The following LAMA3 variants were observed in gnomAD, a reference collection of about 807,000 sequenced individuals.
LAMA3 encodes laminin subunit alpha 3.
LAMA3 carries 281 observed loss-of-function variants against 402.0 expected under a neutral mutation model. The ratio of observed to expected loss-of-function variants is 0.70; its 90% CI spans 0.63 to 0.77. The LOEUF (loss-of-function observed/expected upper bound fraction) is 0.77. LAMA3 is among the 30% of genes least tolerant of loss of function. The pLI is 0.00. For synonymous variants in LAMA3, 1,431 were observed against 1,558.4 expected, an observed-to-expected ratio of 0.92 and a Z score of 1.93; for missense variants, 3,840 against 4,215.5, an observed-to-expected ratio of 0.91 and a Z score of 2.47.
In LAMA3 at chr18:23,712,379, C is replaced by CA. The variant is rs71163637; in HGVS notation, c.295-1523dup. On this transcript the variant is annotated intron_variant, in intron 1 of 74. Coordinates refer to ENST00000313654, the MANE Select transcript of LAMA3 (RefSeq NM_198129.4). ...GGGCAACAAGAGTAAAACTCCGTCT[C>CA]AAAAAAAAAAAAAAAAAAGTTATTC... 8.5e-3 allele frequency among the ~76,000 whole-genome samples: 880 copies of CA among 103,638 alleles called. 37 individuals are homozygous for CA. In the East Asian group the frequency reaches 0.18, roughly 21 times the overall value. 68.0% of individuals were successfully genotyped at this position (103,638 alleles called of 152,430 possible). A position where few individuals can be genotyped will look rare whatever the true frequency, so the allele number is the denominator to read the frequency against.
chr18:23,760,146 T>A (rs9946648), intron 7 of LAMA3, among the ~76,000 whole-genome samples: 1 of 152,050 alleles, frequency 6.6e-6, no homozygotes, highest in Admixed American at 6.5e-5. Context: ...CTCCAACACA[T>A]ACAAAAAAAA....
intron 1 of LAMA3, among the ~76,000 whole-genome samples, chr18:23,708,955 A>G (rs2060939813): frequency 6.7e-6 from 1 of 149,766 alleles, no homozygotes; most frequent in African/African-American, 2.5e-5. Context: ...TTTTCTTGCT[A>G]TGTTGCCCAG....
At position 23,834,243 on chromosome 18, in the gene LAMA3, T is replaced by C. The variant is rs2063540667; in HGVS notation, c.2984+255T>C. 6.3e-6 allele frequency: 3 copies of C among 478,828 alleles called. No homozygotes were observed. The East Asian group carries it at 1.2e-4, about 20-fold the overall frequency. 29.7% of individuals were successfully genotyped at this position (478,828 alleles called of 1,614,324 possible). ...CTTAGCAATTTGGTTCAGATTCACA[T>C]GGCACAGCACAACCTTTTTATTTGA... On this transcript the variant is annotated intron_variant, in intron 24 of 74. Transcript: ENST00000313654.
At position 23,928,643 on chromosome 18, in the gene LAMA3, T is replaced by C. The variant is rs1261843009; in HGVS notation, c.8314T>C (p.Phe2772Leu). ...ATTTCAGCTTGTGCGATCTGCCTCA[T>C]TCTCCAGAGGAGGACAATTGAGTTT... ...EDWKLVRSASFSRGGQLSFTD... is the reference protein window; with the variant it reads ...EDWKLVRSASLSRGGQLSFTD... Residue 2772 changes from phenylalanine (F) to leucine (L), a missense_variant, in exon 64 of 75, where the codon TTC becomes CTC. Around this residue, in one of 3 missense-constraint regions of LAMA3, gnomAD observed 840 missense variants for 981.9 expected, o/e 0.86. Coordinates refer to ENST00000313654, the MANE Select transcript of LAMA3 (RefSeq NM_198129.4). The C allele has an allele frequency of 6.2e-7, 1 of 1,614,110 alleles. No individual in the cohort carries two copies. The highest frequency in any genetic ancestry group is 1.7e-5 in the Admixed American group (1 of 60,032).
rs899232529 is a variant in LAMA3 at position 23,772,231 on chromosome 18, G to A, written c.1183-1266G>A. Among the ~76,000 whole-genome samples the A allele has an allele frequency of 2.0e-5, 3 of 152,142 alleles. No individual in the cohort carries two copies. In the South Asian group the frequency reaches 6.2e-4, roughly 32 times the overall value. On this transcript the variant is annotated intron_variant, in intron 8 of 74. Coordinates refer to ENST00000313654, the MANE Select transcript of LAMA3 (RefSeq NM_198129.4). ...TAATTTTTATATTTTTAGCAGAGAC[G>A]GGGTTTCACCATATTGGTCAGGCTG...
At chr18:23,758,641 T>C in intron 7 of LAMA3, 130 bp downstream of exon 7, 1 of 666,270 alleles carries the variant, frequency 1.5e-6, no homozygotes, top group Non-Finnish European at 2.6e-6. Flanking sequence ...GTCTGTCTAT[T>C]GTAATAAGAA....
chr18:23,716,439 G>A (rs977198846), intron 2 of LAMA3, among the ~76,000 whole-genome samples: 6 of 152,142 alleles, frequency 3.9e-5, no homozygotes, highest in African/African-American at 9.7e-5. Context: ...GATTACAGGC[G>A]TAAGCCACCG....
chr18:23,840,954 C>T (rs2063688314), intron 27 of LAMA3, among the ~76,000 whole-genome samples: 1 of 152,166 alleles, frequency 6.6e-6, no homozygotes, highest in Admixed American at 6.5e-5. Flanking sequence ...TATATCAGTG[C>T]TCAAAAAGTT....
chr18:23,863,522 T>G (rs1026018502), intron 35 of LAMA3, among the ~76,000 whole-genome samples: 3 of 152,192 alleles, frequency 2.0e-5, no homozygotes, highest in Non-Finnish European at 2.9e-5. Flanking sequence ...TTTGTGGCCA[T>G]GTTTTTAAAA....
At chr18:23,889,231 A>G (rs2080554705) in intron 41 of LAMA3, among the ~76,000 whole-genome samples, 1 of 152,168 alleles carries the variant, frequency 6.6e-6, no homozygotes, top group Non-Finnish European at 1.5e-5. Flanking sequence ...GTTCAAGACC[A>G]GCCTGGGCAA....
chr18:23,768,186 G>A (rs914876809), intron 8 of LAMA3, among the ~76,000 whole-genome samples: 5 of 149,514 alleles, frequency 3.3e-5, no homozygotes, highest in African/African-American at 1.2e-4. Context: ...AAAACTATCA[G>A]CAGAGTAAAC....
At chr18:23,715,171 T>A (rs2061074198) in intron 2 of LAMA3, among the ~76,000 whole-genome samples, 2 of 152,088 alleles carry the variant, frequency 1.3e-5, no homozygotes, top group Admixed American at 1.3e-4. Flanking sequence ...GAAAATGTTC[T>A]AAAATTGATG....
intron 1 of LAMA3, among the ~76,000 whole-genome samples, chr18:23,694,919 G>C (rs546961138): frequency 6.6e-6 from 1 of 152,294 alleles, no homozygotes; most frequent in East Asian, 1.9e-4. Flanking sequence ...GTGGAAGCTT[G>C]TCTTAGACAC....
chr18:23,794,073 G>A (rs2062715499), intron 12 of LAMA3, among the ~76,000 whole-genome samples: 1 of 152,242 alleles, frequency 6.6e-6, no homozygotes, highest in African/African-American at 2.4e-5. Flanking sequence ...GCCCTCCCTG[G>A]GCCCCACCCT....
chr18:23,771,225 G>A (rs1351377387), intron 8 of LAMA3, among the ~76,000 whole-genome samples: 1 of 152,216 alleles, frequency 6.6e-6, no homozygotes, highest in Non-Finnish European at 1.5e-5. Flanking sequence ...TGGAGCAACA[G>A]AGAGGAAGAA....
At position 23,812,011 on chromosome 18, in the gene LAMA3, T is replaced by C. The variant is rs561302736; in HGVS notation, c.1742-1046T>C. Among the ~76,000 whole-genome samples the C allele has an allele frequency of 2.8e-4, 43 of 151,990 alleles. 1 individual carries two copies. The South Asian group carries it at 5.6e-3, about 20-fold the overall frequency. On this transcript the variant is annotated intron_variant, in intron 13 of 74. Transcript: ENST00000313654. ...GCCTCAGCCTCTCGAGTAGCTGGGA[T>C]TACAGGCATGTGCCACCATGCCTAG...
chr18:23,954,789 C>A lies in LAMA3; in HGVS notation c.*141C>A. 2.4e-6 allele frequency: 2 copies of A among 819,630 alleles called. No individual in the cohort carries two copies. The highest frequency in any genetic ancestry group is 1.4e-5 in the South Asian group (1 of 70,456). 50.8% of individuals were successfully genotyped at this position (819,630 alleles called of 1,614,324 possible). Reference sequence around the variant, plus strand: ...TAGCGAATCTAATTTTGAATTCTGACCATGGATACCCATCACTTTGGCATT... The same window carrying A: ...TAGCGAATCTAATTTTGAATTCTGAACATGGATACCCATCACTTTGGCATT... On this transcript the variant is annotated 3_prime_UTR_variant, in exon 75 of 75. Coordinates refer to ENST00000313654, the MANE Select transcript of LAMA3 (RefSeq NM_198129.4).
intron 2 of LAMA3, among the ~76,000 whole-genome samples, chr18:23,737,141 T>C (rs2061490247): frequency 6.6e-6 from 1 of 152,106 alleles, no homozygotes; most frequent in Non-Finnish European, 1.5e-5. Context: ...CCACACCTTC[T>C]GAGGCAGATC....
At chr18:23,767,833 G>A (rs1412357320) in intron 8 of LAMA3, among the ~76,000 whole-genome samples, 6 of 151,980 alleles carry the variant, frequency 3.9e-5, no homozygotes, top group Non-Finnish European at 4.4e-5. Flanking sequence ...TCAGCCTCCC[G>A]AAGTGCTGGG....
Sources: gnomAD v4.1 joint callset for allele counts (sites outside exome capture counted in the v4.1 genomes callset) on GRCh38, gnomAD v4.1.1 for gene constraint, gnomAD v4.1.1 regional missense constraint, MANE v1.5 for transcripts, NCBI Gene and HGNC (gene_info 2026-07-23, HGNC 2026-07-21) for gene names.